TNS3: variants seen among roughly 807,000 people sequenced by gnomAD.
TNS3 encodes tensin 3.
Under a neutral mutation model 140.9 loss-of-function variants are expected in TNS3, and 45 were observed. That is an observed-to-expected ratio of 0.32 (90% CI 0.25 to 0.41). The LOEUF is 0.41. TNS3 is among the 10% of genes least tolerant of loss of function. The pLI, the probability that TNS3 is intolerant of heterozygous loss-of-function variation, is 1.00. For missense variants in TNS3, 1,716 were observed against 1,906.7 expected (o/e 0.90, Z 1.86); for synonymous variants, 815 against 788.4 (o/e 1.03, Z -0.56).
chr7:47,582,275 C>A, upstream of TNS3: 1 of 356,998 alleles, frequency 2.8e-6, no homozygotes. Context: ...CTCCAGGCGC[C>A]CTTCACCGGG....
chr7:47,306,738 C>T (rs1236690710), intron 20 of TNS3, among the ~76,000 whole-genome samples: 1 of 152,170 alleles, frequency 6.6e-6, no homozygotes, highest in Non-Finnish European at 1.5e-5. Flanking sequence ...CCACACCCGG[C>T]TAATTTCTTT....
At chr7:47,457,437 C>T (rs976597370) in intron 4 of TNS3, among the ~76,000 whole-genome samples, 1 of 152,036 alleles carries the variant, frequency 6.6e-6, no homozygotes, top group Non-Finnish European at 1.5e-5. Context: ...CTTCCACACA[C>T]GTCATGGATA....
intron 3 of TNS3, among the ~76,000 whole-genome samples, chr7:47,481,881 C>T (rs76364493): frequency 0.049 from 7,502 of 152,292 alleles, 248 homozygotes; most frequent in Non-Finnish European, 0.068. Flanking sequence ...AGGACCTTGG[C>T]CTTTAATCTC....
chr7:47,504,723 C>T (rs1170785902), intron 3 of TNS3, among the ~76,000 whole-genome samples: 1 of 152,234 alleles, frequency 6.6e-6, no homozygotes, highest in Non-Finnish European at 1.5e-5. Context: ...ACATACCCTG[C>T]AGGAGCAGCT....
At chr7:47,362,820 AG>A (rs1790418167) in intron 17 of TNS3, among the ~76,000 whole-genome samples, 2 of 130,880 alleles carry the variant, frequency 1.5e-5, no homozygotes, top group Non-Finnish European at 1.7e-5. Flanking sequence ...CCATCATCAC[AG>A]TCATAACCAT....
At chr7:47,335,868 A>G (rs1788603352) in intron 20 of TNS3, among the ~76,000 whole-genome samples, 1 of 152,172 alleles carries the variant, frequency 6.6e-6, no homozygotes, top group African/African-American at 2.4e-5. Flanking sequence ...GAGCTCACCC[A>G]GATAGGAAGT....
chr7:47,501,178 AAGGAAGGAAGGG>A (rs1328438635), intron 3 of TNS3, among the ~76,000 whole-genome samples: 3 of 18,482 alleles, frequency 1.6e-4, no homozygotes, highest in African/African-American at 3.1e-4. Context: ...GGAAGAGAGG[AAGGAAGGAAGGG>A]AGGGAGGGAG....
intron 8 of TNS3, among the ~76,000 whole-genome samples, chr7:47,430,191 C>T (rs1462926601): frequency 6.7e-6 from 1 of 149,866 alleles, no homozygotes; most frequent in African/African-American, 2.5e-5. Context: ...TGCAATGGAA[C>T]GATCTTGGCT....
intron 18 of TNS3, 27 bp downstream of exon 18, chr7:47,346,160 A>G (rs776377979): frequency 6.2e-7 from 1 of 1,609,644 alleles, no homozygotes. Context: ...ATGGGCCCAG[A>G]AACTGGGACC....
intron 17 of TNS3, among the ~76,000 whole-genome samples, chr7:47,350,620 C>A (rs185722333): frequency 3.2e-4 from 49 of 152,188 alleles, no homozygotes; most frequent in African/African-American, 1.1e-3. Context: ...GCAGTAGATG[C>A]TCACTCAGAG....
intron 1 of TNS3, among the ~76,000 whole-genome samples, chr7:47,575,308 A>C (rs948566678): frequency 1.4e-4 from 21 of 152,232 alleles, no homozygotes; most frequent in African/African-American, 4.8e-4. Flanking sequence ...CAGGATACAA[A>C]ATAATACATA....
intron 6 of TNS3, among the ~76,000 whole-genome samples, chr7:47,437,718 G>A (rs1471084007): frequency 5.5e-4 from 74 of 134,146 alleles, no homozygotes; most frequent in Non-Finnish European, 8.8e-4. Context: ...TAATTCTCAT[G>A]GCTACAAAAT....
intron 4 of TNS3, chr7:47,453,143 G>A: frequency 1.0e-6 from 1 of 985,654 alleles, no homozygotes; most frequent in Non-Finnish European, 1.2e-6. Flanking sequence ...CCACAGCCAG[G>A]AGCAGCTGGC....
chr7:47,312,209 G>A (rs1399698545), intron 20 of TNS3, among the ~76,000 whole-genome samples: 1 of 152,156 alleles, frequency 6.6e-6, no homozygotes, highest in African/African-American at 2.4e-5. Flanking sequence ...GTGACTGACC[G>A]CCCCTCCTCC....
intron 20 of TNS3, among the ~76,000 whole-genome samples, chr7:47,311,707 AG>A (rs1787114301): frequency 6.6e-6 from 1 of 152,204 alleles, no homozygotes; most frequent in Admixed American, 6.5e-5. Context: ...CTATAATTGG[AG>A]TCCAAGAAGT....
At chr7:47,285,122 T>C (rs976149682) in intron 27 of TNS3, among the ~76,000 whole-genome samples, 12 of 152,198 alleles carry the variant, frequency 7.9e-5, no homozygotes, top group Admixed American at 5.2e-4. Context: ...ACAGGGTGCA[T>C]TGACACACAA....
At chr7:47,382,288 T>C (rs534728137) in intron 16 of TNS3, among the ~76,000 whole-genome samples, 1 of 152,238 alleles carries the variant, frequency 6.6e-6, no homozygotes, top group Non-Finnish European at 1.5e-5. Flanking sequence ...ATTTTCTTCA[T>C]GTGGATGACA....
intron 20 of TNS3, among the ~76,000 whole-genome samples, chr7:47,322,213 CAAAAAA>C (rs759875153): frequency 2.6e-4 from 13 of 49,922 alleles, no homozygotes; most frequent in African/African-American, 7.8e-4. Flanking sequence ...GTAGAACGGG[CAAAAAA>C]AAAAAAAAAA....
In TNS3 at chr7:47,479,424, C is replaced by T. The variant is rs548217529; in HGVS notation, c.-76+1679G>A. On this transcript the variant is annotated intron_variant, in intron 4 of 30. Transcript: ENST00000311160. ...AAGCCTGAGGAAATCAGTCACAAAC[C>T]GCAGCCTGTCAAAACCAACTACAAA... Among the ~76,000 whole-genome samples the T allele has an allele frequency of 6.6e-4, 101 of 152,276 alleles. 1 individual carries two copies. The highest frequency in any genetic ancestry group is 2.2e-3 in the African/African-American group (93 of 41,558).
Sources: allele counts gnomAD v4.1 joint callset (sites outside exome capture counted in the v4.1 genomes callset), GRCh38; gene constraint gnomAD v4.1.1; transcripts MANE v1.5; gene names NCBI Gene and HGNC (gene_info 2026-07-23, HGNC 2026-07-21).